PDS5A: variants seen among roughly 807,000 people sequenced by gnomAD.
PDS5A encodes the protein PDS5 cohesin associated factor A.
A neutral mutation model predicts 167.1 loss-of-function variants in PDS5A; 42 were observed. The observed-to-expected ratio is 0.25, with a 90% CI of 0.20 to 0.33. The LOEUF (loss-of-function observed/expected upper bound fraction) is 0.33, where lower values mean the gene tolerates loss of function less well. PDS5A is among the 10% of genes least tolerant of loss of function. PDS5A has a pLI of 1.00. For missense variants in PDS5A, 1,033 were observed against 1,605.9 expected, an observed-to-expected ratio of 0.64 and a Z score of 6.10; for synonymous variants, 553 against 554.6, an observed-to-expected ratio of 1.00 and a Z score of 0.04.
intron 2 of PDS5A, among the ~76,000 whole-genome samples, chr4:39,945,649 G>A (rs1489155178): frequency 6.6e-6 from 1 of 151,756 alleles, no homozygotes. Context: ...ATGTTCCCAG[G>A]CAAACTCAAA....
At chr4:39,927,556 G>C (rs2109734473) in intron 3 of PDS5A, among the ~76,000 whole-genome samples, 1 of 152,198 alleles carries the variant, frequency 6.6e-6, no homozygotes, top group East Asian at 1.9e-4. Context: ...GAACAACCAA[G>C]ATGAGCATAT....
chr4:39,895,116 A>G (rs1722281698), intron 16 of PDS5A, among the ~76,000 whole-genome samples: 1 of 147,204 alleles, frequency 6.8e-6, no homozygotes, highest in Non-Finnish European at 1.5e-5. Context: ...AGTCCCAGCT[A>G]CTCGGGAGGC....
At chr4:39,859,247 A>G (rs1428430563) in intron 26 of PDS5A, among the ~76,000 whole-genome samples, 2 of 152,176 alleles carry the variant, frequency 1.3e-5, no homozygotes, top group Non-Finnish European at 2.9e-5. Context: ...TAATTTCCAT[A>G]AAGTTATGTA....
intron 2 of PDS5A, among the ~76,000 whole-genome samples, chr4:39,948,641 T>TTTTTA (rs1553907040): frequency 1.4e-5 from 2 of 147,556 alleles, no homozygotes; most frequent in Non-Finnish European, 3.0e-5. Context: ...TTTTTTTTTT[T>TTTTTA]AAAGACCGAG....
intron 2 of PDS5A, among the ~76,000 whole-genome samples, chr4:39,971,972 G>T (rs1000444116): frequency 6.6e-6 from 1 of 152,178 alleles, no homozygotes; most frequent in Non-Finnish European, 1.5e-5. Context: ...AAAATAGAAA[G>T]GAAGGCAGAA....
chr4:39,895,708 GTTTGTT>G (rs768443942), intron 16 of PDS5A, among the ~76,000 whole-genome samples: 5 of 152,096 alleles, frequency 3.3e-5, no homozygotes, highest in Admixed American at 1.3e-4. Context: ...AACTTCAAGG[GTTTGTT>G]TTTGTTTGAT....
chr4:39,859,860 G>A (rs754533266), intron 26 of PDS5A, among the ~76,000 whole-genome samples: 6 of 152,228 alleles, frequency 3.9e-5, no homozygotes, highest in Admixed American at 2.0e-4. Flanking sequence ...GCAGGGCACT[G>A]ACTGTGCTTA....
At chr4:39,902,098 G>A (rs1722931810) in intron 13 of PDS5A, among the ~76,000 whole-genome samples, 1 of 152,120 alleles carries the variant, frequency 6.6e-6, no homozygotes, top group South Asian at 2.1e-4. Flanking sequence ...CTAGCCACAG[G>A]TATTTTGACG....
chr4:39,913,322 G>A (rs548321224), intron 9 of PDS5A, among the ~76,000 whole-genome samples: 62 of 152,008 alleles, frequency 4.1e-4, no homozygotes, highest in African/African-American at 1.4e-3. Flanking sequence ...CAAGTGATCC[G>A]CCCACCTCAG....
chr4:39,948,417 C>A (rs1728000908), intron 2 of PDS5A, among the ~76,000 whole-genome samples: 1 of 148,716 alleles, frequency 6.7e-6, no homozygotes, highest in South Asian at 2.1e-4. Flanking sequence ...CCTCCGCCTC[C>A]CGGGTTCAAG....
chr4:39,964,142 G>A (rs1183527374), intron 2 of PDS5A, among the ~76,000 whole-genome samples: 2 of 152,164 alleles, frequency 1.3e-5, no homozygotes, highest in African/African-American at 4.8e-5. Context: ...GAGAAATTCT[G>A]TAAAGGATAC....
At position 39,827,088 on chromosome 4, in the gene PDS5A, C is replaced by A. The variant is rs897530750; in HGVS notation, c.4011-1600G>T. 9.2e-5 allele frequency among the ~76,000 whole-genome samples: 14 copies of A among 151,854 alleles called. 1 individual carries two copies. The highest frequency in any genetic ancestry group is 5.2e-4 in the Admixed American group (8 of 15,242). Reference sequence around the variant, plus strand: ...TGATCTCGGCTCACCACAACCTCCACCTCCCAGGTTCAAGCGATTCTCCTG... The same window carrying A: ...TGATCTCGGCTCACCACAACCTCCAACTCCCAGGTTCAAGCGATTCTCCTG... On this transcript the variant is annotated intron_variant, in intron 32 of 32. Transcript: ENST00000303538.
At chr4:39,925,545 C>T (rs1043707394) in intron 5 of PDS5A, among the ~76,000 whole-genome samples, 2 of 152,168 alleles carry the variant, frequency 1.3e-5, no homozygotes, top group African/African-American at 4.8e-5. Context: ...TAGTAAGTCC[C>T]TTCAAAACAA....
intron 17 of PDS5A, among the ~76,000 whole-genome samples, chr4:39,885,030 A>G (rs114285681): frequency 0.017 from 2,608 of 152,216 alleles, 26 homozygotes; most frequent in Non-Finnish European, 0.027. Flanking sequence ...TGGGAGGCCG[A>G]GGTGGGCAGA....
At chr4:39,881,805 C>T (rs989816226) in intron 17 of PDS5A, among the ~76,000 whole-genome samples, 2 of 152,206 alleles carry the variant, frequency 1.3e-5, no homozygotes, top group Non-Finnish European at 2.9e-5. Flanking sequence ...TAGGGTTTGG[C>T]TGTGTCCCCA....
At chr4:39,898,948 C>T (rs900087154) in intron 14 of PDS5A, 123 bp from the exon 15 acceptor site, 14 of 647,374 alleles carry the variant, frequency 2.2e-5, no homozygotes, top group African/African-American at 1.7e-4. Context: ...TCATCACAGT[C>T]TGCTCAATGG....
chr4:39,876,657 T>C (rs1272221719), intron 19 of PDS5A, among the ~76,000 whole-genome samples: 1 of 152,134 alleles, frequency 6.6e-6, no homozygotes, highest in Non-Finnish European at 1.5e-5. Context: ...AACCCATTTA[T>C]AGAAAAAAAG....
At chr4:39,839,185 GATA>G (rs1716717025) in intron 31 of PDS5A, among the ~76,000 whole-genome samples, 1 of 152,060 alleles carries the variant, frequency 6.6e-6, no homozygotes, top group African/African-American at 2.4e-5. Context: ...TAAGAGTTTT[GATA>G]ATAAGAGGTA....
intron 20 of PDS5A, among the ~76,000 whole-genome samples, chr4:39,873,603 T>G (rs905363348): frequency 7.3e-6 from 1 of 137,520 alleles, no homozygotes; most frequent in Non-Finnish European, 1.7e-5. Flanking sequence ...CCAGTCATTA[T>G]ATGTAAAAAA....
Sources: gnomAD v4.1 joint callset for allele counts (sites outside exome capture counted in the v4.1 genomes callset) on GRCh38, gnomAD v4.1.1 for gene constraint, MANE v1.5 for transcripts, NCBI Gene and HGNC (gene_info 2026-07-23, HGNC 2026-07-21) for gene names.